Variants in CATSPERB observed in about 807,000 individuals in gnomAD.
The protein encoded by CATSPERB is cation channel sperm-associated auxiliary subunit beta.
In CATSPERB, 93 loss-of-function variants were observed where a neutral mutation model predicts 128.3. The ratio of observed to expected loss-of-function variants is 0.72; its 90% confidence interval spans 0.61 to 0.86. The LOEUF (loss-of-function observed/expected upper bound fraction) is 0.86. Ranked by LOEUF, CATSPERB falls within the 40% of genes least tolerant of loss-of-function variation. The pLI is 0.00. For missense variants in CATSPERB, 1,153 were observed against 1,329.5 expected, an observed-to-expected ratio of 0.87 and a Z score of 2.06; for synonymous variants, 381 against 448.8, an observed-to-expected ratio of 0.85 and a Z score of 1.91.
chr14:91,587,477 CTTTTTTTTTT>C (rs3029803), intron 25 of CATSPERB, among the ~76,000 whole-genome samples: 17,820 of 101,520 alleles, frequency 0.18, 1,613 homozygotes, highest in Non-Finnish European at 0.21. Flanking sequence ...ATAGCTGATA[CTTTTTTTTTT>C]TTTTTTTTTT....
intron 22 of CATSPERB, chr14:91,605,464 G>A (rs927113365): frequency 1.1e-5 from 5 of 444,164 alleles, no homozygotes; most frequent in African/African-American, 2.0e-5. Context: ...GAAGTGAGTC[G>A]CCGCCACAGT....
intron 14 of CATSPERB, 34 bp downstream of exon 14, chr14:91,669,780 C>T: frequency 6.3e-7 from 1 of 1,585,148 alleles, no homozygotes; most frequent in Non-Finnish European, 8.6e-7. Flanking sequence ...GATGATTTAA[C>T]TCTAACACAG....
chr14:91,668,173 G>T (rs1415553596), intron 14 of CATSPERB, among the ~76,000 whole-genome samples: 1 of 152,228 alleles, frequency 6.6e-6, no homozygotes, highest in Non-Finnish European at 1.5e-5. Context: ...TTAGAGGGGA[G>T]ATTGAGAGGT....
intron 22 of CATSPERB, among the ~76,000 whole-genome samples, chr14:91,597,044 G>A (rs908364698): frequency 4.7e-5 from 7 of 150,060 alleles, no homozygotes; most frequent in Non-Finnish European, 7.4e-5. Flanking sequence ...CCACCACCAC[G>A]CCCAGCTAAT....
intron 10 of CATSPERB, among the ~76,000 whole-genome samples, chr14:91,686,069 T>C (rs886706837): frequency 1.3e-5 from 2 of 152,166 alleles, no homozygotes; most frequent in Non-Finnish European, 2.9e-5. Context: ...TATTCCAAGT[T>C]ACTCAAGTTT....
chr14:91,661,679 T>C (rs1704683), intron 14 of CATSPERB, among the ~76,000 whole-genome samples: 29,428 of 151,694 alleles, frequency 0.19, 3,059 homozygotes, highest in African/African-American at 0.25. Context: ...ACTACAGGCA[T>C]AAGCCACCAT....
chr14:91,662,960 T>A (rs1894911077), intron 14 of CATSPERB, among the ~76,000 whole-genome samples: 2 of 152,198 alleles, frequency 1.3e-5, no homozygotes, highest in African/African-American at 4.8e-5. Flanking sequence ...TTAAATGTAT[T>A]GTAAATATCA....
At chr14:91,677,882 T>C (rs1469949207) in intron 11 of CATSPERB, among the ~76,000 whole-genome samples, 2 of 152,166 alleles carry the variant, frequency 1.3e-5, no homozygotes, top group East Asian at 3.9e-4. Flanking sequence ...CACCATGGAA[T>C]ACTATGCAGC....
intron 13 of CATSPERB, 108 bp downstream of exon 13, chr14:91,672,759 T>C: frequency 3.5e-6 from 3 of 852,282 alleles, no homozygotes; most frequent in South Asian, 4.6e-5. Flanking sequence ...TAGCCAATTT[T>C]ATAGGTTCTA....
At chr14:91,725,027 T>C in intron 3 of CATSPERB, 53 bp downstream of exon 3, 2 of 876,422 alleles carry the variant, frequency 2.3e-6, no homozygotes, top group Non-Finnish European at 3.4e-6. Flanking sequence ...GTTTTACACA[T>C]GGATTTTAAA....
Position 91,688,018 on chromosome 14 carries a change from C to T in CATSPERB, c.864+3505G>A, listed in dbSNP as rs145299633. Among the ~76,000 whole-genome samples the T allele has an allele frequency of 2.6e-3, 396 of 151,518 alleles. 1 individual carries two copies. The highest frequency in any genetic ancestry group is 9.1e-3 in the African/African-American group (374 of 41,314). On this transcript the variant is annotated intron_variant, in intron 10 of 26. Coordinates refer to ENST00000256343, the MANE Select transcript of CATSPERB (RefSeq NM_024764.4). Reference sequence around the variant, plus strand: ...TTTATATGGATAGACAGAAAACACACGAATAAATATGAGATAAAATGAGAG... The same window carrying T: ...TTTATATGGATAGACAGAAAACACATGAATAAATATGAGATAAAATGAGAG...
At chr14:91,633,985 A>G (rs530194917) in intron 17 of CATSPERB, among the ~76,000 whole-genome samples, 1 of 152,280 alleles carries the variant, frequency 6.6e-6, no homozygotes, top group Admixed American at 6.5e-5. Flanking sequence ...AACAAAAAAA[A>G]TTATAGTTGA....
intron 15 of CATSPERB, among the ~76,000 whole-genome samples, chr14:91,646,400 T>C (rs577005435): frequency 1.3e-5 from 2 of 152,320 alleles, no homozygotes; most frequent in South Asian, 4.1e-4. Flanking sequence ...CGAATTGGTC[T>C]CTGTGATTCT....
intron 21 of CATSPERB, among the ~76,000 whole-genome samples, chr14:91,609,005 T>C (rs1275473629): frequency 1.3e-5 from 2 of 152,198 alleles, no homozygotes; most frequent in African/African-American, 2.4e-5. Flanking sequence ...ATATTTTGTA[T>C]GTAATATGTA....
intron 5 of CATSPERB, among the ~76,000 whole-genome samples, chr14:91,716,712 T>TAAACACACACACACAC: frequency 7.3e-6 from 1 of 137,628 alleles, no homozygotes; most frequent in South Asian, 2.3e-4. Flanking sequence ...TTTACAAGCA[T>TAAACACACACACACAC]ACACACACAC....
At chr14:91,696,307 A>G (rs1336447293) in intron 7 of CATSPERB, among the ~76,000 whole-genome samples, 1 of 152,254 alleles carries the variant, frequency 6.6e-6, no homozygotes, top group African/African-American at 2.4e-5. Flanking sequence ...AGAGTGACCA[A>G]TGAGAAAATA....
At chr14:91,623,015 C>T (rs1281247149) in intron 18 of CATSPERB, among the ~76,000 whole-genome samples, 6 of 152,034 alleles carry the variant, frequency 3.9e-5, no homozygotes, top group Non-Finnish European at 8.8e-5. Context: ...CTGCCTCAGC[C>T]TCCCAAGTAG....
rs1246339021 is a variant in CATSPERB at position 91,636,591 on chromosome 14, G to C, written c.1588-12C>G. 3 of 1,596,998 alleles carry C rather than the reference G, an allele frequency of 1.9e-6. No homozygotes were observed. Among genetic ancestry groups the C allele is most frequent in the South Asian group, 1.1e-5 (1 of 88,646 alleles). On this transcript the variant is annotated splice_polypyrimidine_tract_variant and intron_variant, in intron 16 of 26. Coordinates refer to ENST00000256343, the MANE Select transcript of CATSPERB (RefSeq NM_024764.4). ...CCCATATCTGGAGGCTGGAAACAGA[G>C]AAAAGAAAATATTATATTTAAACTA...
chr14:91,693,784 A>G (rs941546328), intron 7 of CATSPERB, among the ~76,000 whole-genome samples: 3 of 152,232 alleles, frequency 2.0e-5, no homozygotes, highest in Non-Finnish European at 4.4e-5. Context: ...GAAGGGCATC[A>G]GAATATGCCA....
Sources: allele counts gnomAD v4.1 joint callset (sites outside exome capture counted in the v4.1 genomes callset), GRCh38; gene constraint gnomAD v4.1.1; transcripts MANE v1.5; gene names NCBI Gene and HGNC (gene_info 2026-07-23, HGNC 2026-07-21).